Variants in SNX14 observed in about 807,000 individuals in gnomAD.
The protein encoded by SNX14 is sorting nexin 14.
SNX14 carries 93 observed loss-of-function variants against 133.8 expected under a neutral mutation model. The ratio of observed to expected loss-of-function variants is 0.70; its 90% CI spans 0.59 to 0.83. The LOEUF is 0.83. Among genes scored for constraint, SNX14 ranks in the 40% least tolerant of loss-of-function variants. SNX14 has a pLI of 0.00. For synonymous variants in SNX14, 368 were observed against 365.6 expected (o/e 1.01, Z -0.07); for missense variants, 945 against 1,094.9 (o/e 0.86, Z 1.93).
intron 14 of SNX14, among the ~76,000 whole-genome samples, chr6:85,542,802 A>G (rs961511159): frequency 2.6e-5 from 4 of 151,808 alleles, no homozygotes; most frequent in Admixed American, 6.6e-5. Context: ...GTCTTGCTCT[A>G]TGGCCCAGGC....
chr6:85,545,434 T>C (rs1388770701), intron 12 of SNX14, among the ~76,000 whole-genome samples: 1 of 151,906 alleles, frequency 6.6e-6, no homozygotes, highest in East Asian at 1.9e-4. Flanking sequence ...AACATTTCAA[T>C]CAGATAGAAA....
intron 26 of SNX14, 132 bp from the exon 27 acceptor site, chr6:85,508,191 CA>C: frequency 7.2e-7 from 1 of 1,396,610 alleles, no homozygotes; most frequent in Non-Finnish European, 9.3e-7. Context: ...CTCCCCAAAC[CA>C]GTGTTTCTAT....
chr6:85,577,840 T>A (rs1164996361), intron 1 of SNX14, among the ~76,000 whole-genome samples: 1 of 152,020 alleles, frequency 6.6e-6, no homozygotes, highest in Non-Finnish European at 1.5e-5. Context: ...GTGGACAACA[T>A]GACCAAATGT....
intron 8 of SNX14, 98 bp downstream of exon 8, chr6:85,549,625 T>C (rs1464539955): frequency 7.0e-6 from 7 of 1,005,800 alleles, no homozygotes; most frequent in Non-Finnish European, 8.0e-6. Context: ...ATTCATAGGC[T>C]AACCTCAAAT....
chr6:85,578,538 A>G (rs1186335050), intron 1 of SNX14, among the ~76,000 whole-genome samples: 4 of 152,200 alleles, frequency 2.6e-5, no homozygotes, highest in Non-Finnish European at 5.9e-5. Flanking sequence ...TTTTCAGAAT[A>G]TGAACCTAAA....
intron 1 of SNX14, among the ~76,000 whole-genome samples, chr6:85,585,789 T>G (rs1008829480): frequency 6.6e-6 from 1 of 152,056 alleles, no homozygotes; most frequent in Non-Finnish European, 1.5e-5. Context: ...AGAATAACCA[T>G]GTTGTAACCC....
intron 1 of SNX14, among the ~76,000 whole-genome samples, chr6:85,580,375 G>A (rs1333517817): frequency 1.3e-5 from 2 of 152,200 alleles, no homozygotes; most frequent in East Asian, 3.8e-4. Flanking sequence ...GGGTAAGACT[G>A]AGGTATGCCG....
intron 1 of SNX14, among the ~76,000 whole-genome samples, chr6:85,578,582 A>C (rs1202006258): frequency 6.6e-6 from 1 of 152,236 alleles, no homozygotes; most frequent in Non-Finnish European, 1.5e-5. Flanking sequence ...CCAGATTTGG[A>C]TTCTGACAGG....
intron 1 of SNX14, among the ~76,000 whole-genome samples, chr6:85,575,703 A>G (rs889848074): frequency 9.2e-5 from 14 of 152,250 alleles, no homozygotes; most frequent in African/African-American, 2.2e-4. Flanking sequence ...ATGCAGCCAG[A>G]CAAAGGTAGT....
At chr6:85,577,405 A>G (rs1269865110) in intron 1 of SNX14, among the ~76,000 whole-genome samples, 2 of 152,138 alleles carry the variant, frequency 1.3e-5, no homozygotes, top group East Asian at 3.9e-4. Context: ...TGACAGAGCG[A>G]GACTCCGTCT....
chr6:85,586,802 C>T (rs377442350), intron 1 of SNX14, among the ~76,000 whole-genome samples: 28 of 151,866 alleles, frequency 1.8e-4, no homozygotes, highest in African/African-American at 6.8e-4. Context: ...TTTGGGAGGC[C>T]GAGGTGGGCA....
chr6:85,565,981 A>G (rs1793683060), intron 5 of SNX14, among the ~76,000 whole-genome samples: 1 of 152,224 alleles, frequency 6.6e-6, no homozygotes, highest in African/African-American at 2.4e-5. Context: ...TCCCTAATCA[A>G]AGGCAAGAAA....
intron 26 of SNX14, among the ~76,000 whole-genome samples, chr6:85,511,144 T>A (rs1268831670): frequency 6.6e-6 from 1 of 152,152 alleles, no homozygotes; most frequent in Non-Finnish European, 1.5e-5. Flanking sequence ...TTTTGTTAGA[T>A]TACTACCCAA....
chr6:85,553,285 GTT>G (rs1176110498), intron 7 of SNX14, among the ~76,000 whole-genome samples: 3 of 152,100 alleles, frequency 2.0e-5, no homozygotes, highest in African/African-American at 7.2e-5. Flanking sequence ...AAAGAACATA[GTT>G]TTTATAAAAA....
At chr6:85,578,822 G>A (rs893833990) in intron 1 of SNX14, among the ~76,000 whole-genome samples, 1 of 152,150 alleles carries the variant, frequency 6.6e-6, no homozygotes, top group Non-Finnish European at 1.5e-5. Flanking sequence ...TGGTGAGTAA[G>A]TGACATATTT....
intron 17 of SNX14, among the ~76,000 whole-genome samples, chr6:85,536,479 G>T (rs1781994795): frequency 6.6e-6 from 1 of 152,118 alleles, no homozygotes; most frequent in Non-Finnish European, 1.5e-5. Context: ...GGTAACATCA[G>T]AATTTGAAGC....
At position 85,547,362 on chromosome 6, in the gene SNX14, A is replaced by T. The variant is rs181524106; in HGVS notation, c.948T>A (p.Val316=). The T allele has an allele frequency of 8.1e-5, 131 of 1,613,858 alleles. No individual in the cohort carries two copies. The East Asian group carries it at 2.6e-3, about 32-fold the overall frequency. ...EKATEPASPL[V]PFLQKFAEPR... is the part of the protein sequence containing the mutation. Reference sequence around the variant, plus strand: ...GTTCTGCAAATTTCTGCAAGAATGGAACCAAAGGAGAAGCCGGTTCAGTTG... The same window carrying T: ...GTTCTGCAAATTTCTGCAAGAATGGTACCAAAGGAGAAGCCGGTTCAGTTG... Residue 316 remains valine (V), a synonymous_variant, in exon 11 of 29, where the codon GTT becomes GTA. Coordinates refer to ENST00000314673, the MANE Select transcript of SNX14 (RefSeq NM_153816.6).
intron 12 of SNX14, among the ~76,000 whole-genome samples, chr6:85,545,370 A>G (rs1194825963): frequency 6.6e-6 from 1 of 152,216 alleles, no homozygotes; most frequent in Non-Finnish European, 1.5e-5. Context: ...AGATTACTAA[A>G]TTAGGTTTTT....
chr6:85,551,066 C>G (rs1490089469), intron 7 of SNX14, among the ~76,000 whole-genome samples: 1 of 152,170 alleles, frequency 6.6e-6, no homozygotes, highest in African/African-American at 2.4e-5. Context: ...CAGGCATGAG[C>G]CACTGCGCCT....
Sources: allele counts gnomAD v4.1 joint callset (sites outside exome capture counted in the v4.1 genomes callset), GRCh38; gene constraint gnomAD v4.1.1; transcripts MANE v1.5; gene names NCBI Gene and HGNC (gene_info 2026-07-23, HGNC 2026-07-21).